PTPRN2: variants seen among roughly 807,000 people sequenced by gnomAD.
PTPRN2 encodes receptor-type tyrosine-protein phosphatase N2.
PTPRN2 carries 74 observed loss-of-function variants against 118.8 expected under a neutral mutation model. That is an observed-to-expected ratio of 0.62 (90% CI 0.52 to 0.76). The LOEUF is 0.76. Among genes scored for constraint, PTPRN2 ranks in the 30% least tolerant of loss-of-function variants. PTPRN2 has a pLI of 0.00. For synonymous variants in PTPRN2, 641 were observed against 608.0 expected (o/e 1.05, Z -0.80); for missense variants, 1,481 against 1,394.4 (o/e 1.06, Z -0.99).
intron 11 of PTPRN2, among the ~76,000 whole-genome samples, chr7:157,967,030 C>T (rs1801992314): frequency 6.6e-6 from 1 of 152,236 alleles, no homozygotes; most frequent in South Asian, 2.1e-4. Context: ...TTAAAAAACC[C>T]ACAGGCTGGC....
intron 17 of PTPRN2, among the ~76,000 whole-genome samples, chr7:157,592,504 A>T (rs1252027286): frequency 1.3e-5 from 2 of 151,788 alleles, no homozygotes; most frequent in Non-Finnish European, 2.9e-5. Flanking sequence ...CGGAGGTTGG[A>T]TGTGGGCATC....
chr7:158,205,825 C>T (rs1827096266), intron 3 of PTPRN2, among the ~76,000 whole-genome samples: 1 of 152,102 alleles, frequency 6.6e-6, no homozygotes, highest in Non-Finnish European at 1.5e-5. Context: ...CGGTGCTGCC[C>T]TGTCACAGTA....
At chr7:158,345,140 C>G (rs915188327) in intron 2 of PTPRN2, among the ~76,000 whole-genome samples, 1 of 152,172 alleles carries the variant, frequency 6.6e-6, no homozygotes, top group South Asian at 2.1e-4. Context: ...CCACAGTCCA[C>G]GTGACTGATG....
chr7:158,010,575 T>C (rs1034734624), intron 11 of PTPRN2, among the ~76,000 whole-genome samples: 2 of 152,184 alleles, frequency 1.3e-5, no homozygotes, highest in South Asian at 2.1e-4. Flanking sequence ...CTTGAAACTA[T>C]GAGAAACTAT....
rs1489014377 is a variant in PTPRN2 at position 157,874,777 on chromosome 7, G to A, written c.1788+23896C>T. On this transcript the variant is annotated intron_variant, in intron 12 of 22. Coordinates refer to ENST00000389418, the MANE Select transcript of PTPRN2 (RefSeq NM_002847.5). The surrounding 1 kb of genome is among the most constrained non-coding windows in gnomAD (Gnocchi z 5.8). Reference sequence around the variant, plus strand: ...GACACACACTCATGCACACACACACGAACACACTCATACACATATACACAC... The same window carrying A: ...GACACACACTCATGCACACACACACAAACACACTCATACACATATACACAC... Among the ~76,000 whole-genome samples the A allele has an allele frequency of 1.6e-5, 2 of 121,308 alleles. No homozygotes were observed. Among genetic ancestry groups the A allele is most frequent in the African/African-American group, 6.3e-5 (2 of 32,000 alleles). 79.6% of individuals were successfully genotyped at this position (121,308 alleles called of 152,430 possible).
chr7:157,949,032 A>G (rs1800654829), intron 11 of PTPRN2, among the ~76,000 whole-genome samples: 2 of 152,188 alleles, frequency 1.3e-5, no homozygotes, highest in Non-Finnish European at 2.9e-5. Context: ...TTTGGTACAC[A>G]TTGCAGGGGG....
intron 12 of PTPRN2, among the ~76,000 whole-genome samples, chr7:157,752,415 C>A (rs1049982213): frequency 6.6e-6 from 1 of 152,220 alleles, no homozygotes; most frequent in Non-Finnish European, 1.5e-5. Flanking sequence ...CGAGCACGTG[C>A]CCTCGTCCAG....
At chr7:158,056,508 C>T (rs987725424) in intron 11 of PTPRN2, among the ~76,000 whole-genome samples, 4 of 152,200 alleles carry the variant, frequency 2.6e-5, no homozygotes, top group African/African-American at 9.7e-5. Flanking sequence ...CCACATGTGC[C>T]TGGGTTTAGG....
At chr7:158,021,498 T>C (rs1443081246) in intron 11 of PTPRN2, among the ~76,000 whole-genome samples, 3 of 151,852 alleles carry the variant, frequency 2.0e-5, no homozygotes, top group African/African-American at 4.8e-5. Context: ...ACAGAGGATA[T>C]CATTTTAAAA....
chr7:157,610,220 T>C lies in PTPRN2; in HGVS notation c.2345-6145A>G, dbSNP rs1802249583. On this transcript the variant is annotated intron_variant, in intron 15 of 22. Transcript: ENST00000389418. This position sits in a 1 kb window ranked among gnomAD's most constrained non-coding sequence, Gnocchi z 5.1. ...GAAGCCACTGCTGAGTCCAGGGGCC[T>C]CACGGAACTTGGCAATGGGGTTCCC... Among the ~76,000 whole-genome samples the C allele has an allele frequency of 6.6e-6, 1 of 152,182 alleles. No individual in the cohort carries two copies. Among genetic ancestry groups the C allele is most frequent in the African/African-American group, 2.4e-5 (1 of 41,446 alleles).
chr7:158,545,452 C>T (rs1826222644), intron 1 of PTPRN2, among the ~76,000 whole-genome samples: 1 of 152,214 alleles, frequency 6.6e-6, no homozygotes, highest in Non-Finnish European at 1.5e-5. Flanking sequence ...CCTACATTTC[C>T]TTTCCTTTTC....
intron 2 of PTPRN2, among the ~76,000 whole-genome samples, chr7:158,326,867 G>T (rs967396286): frequency 7.4e-6 from 1 of 134,264 alleles, no homozygotes; most frequent in African/African-American, 2.9e-5. Context: ...GCTCATTCTC[G>T]CATGCACACG....
intron 3 of PTPRN2, among the ~76,000 whole-genome samples, chr7:158,280,977 T>C (rs1019004454): frequency 2.0e-5 from 3 of 152,220 alleles, no homozygotes; most frequent in African/African-American, 7.2e-5. Context: ...TGGTGCAGGC[T>C]CAAAGCCATG....
chr7:158,555,160 A>C lies in PTPRN2; in HGVS notation c.112+32398T>G, dbSNP rs532058229. 6.6e-6 allele frequency among the ~76,000 whole-genome samples: 1 copy of C among 152,314 alleles called. No individual in the cohort carries two copies. Among genetic ancestry groups the C allele is most frequent in the Admixed American group, 6.5e-5 (1 of 15,306 alleles). ...AACAAACGGATCTCCGGTGCTCAGC[A>C]GACTGATCTACTGCAAATCACCCCC... On this transcript the variant is annotated intron_variant, in intron 1 of 22. Coordinates refer to ENST00000389418, the MANE Select transcript of PTPRN2 (RefSeq NM_002847.5). The surrounding 1 kb of genome is among the most constrained non-coding windows in gnomAD (Gnocchi z 4.7).
chr7:157,912,163 G>A (rs914128801), intron 11 of PTPRN2, among the ~76,000 whole-genome samples: 1 of 152,184 alleles, frequency 6.6e-6, no homozygotes, highest in South Asian at 2.1e-4. Context: ...CCAACACACA[G>A]AGTTCCTAGT....
Position 157,722,676 on chromosome 7 carries a change from C to T in PTPRN2, c.1789-39739G>A, listed in dbSNP as rs372160822. 5.6e-4 allele frequency among the ~76,000 whole-genome samples: 85 copies of T among 152,136 alleles called. No homozygotes were observed. The East Asian group carries it at 0.01, about 18-fold the overall frequency. On this transcript the variant is annotated intron_variant, in intron 12 of 22. Transcript: ENST00000389418. Reference sequence around the variant, plus strand: ...GCCTATCGCAGCATCCAGGTGCAGCCGGGGGGGACAGGGGTGAGGAGGGAA... The same window carrying T: ...GCCTATCGCAGCATCCAGGTGCAGCTGGGGGGGACAGGGGTGAGGAGGGAA...
At chr7:158,311,472 AT>A (rs900471553) in intron 3 of PTPRN2, among the ~76,000 whole-genome samples, 6 of 152,224 alleles carry the variant, frequency 3.9e-5, no homozygotes, top group Non-Finnish European at 1.5e-5. Context: ...TTAAAAAAAA[AT>A]CATACATGAG....
chr7:157,904,546 C>T (rs1797654377), intron 11 of PTPRN2, among the ~76,000 whole-genome samples: 1 of 152,222 alleles, frequency 6.6e-6, no homozygotes, highest in Admixed American at 6.5e-5. Context: ...GAATCCGGGT[C>T]CCGGAGTCCC....
At chr7:157,792,818 G>A (rs1166751502) in intron 12 of PTPRN2, among the ~76,000 whole-genome samples, 59 of 152,244 alleles carry the variant, frequency 3.9e-4, no homozygotes, top group Non-Finnish European at 1.9e-4. Flanking sequence ...TCTTATTCAT[G>A]AGCTGTACGT....
Sources: allele counts gnomAD v4.1 joint callset (sites outside exome capture counted in the v4.1 genomes callset), GRCh38; gene constraint gnomAD v4.1.1; non-coding constraint Gnocchi (gnomAD v3.1); transcripts MANE v1.5; gene names NCBI Gene and HGNC (gene_info 2026-07-23, HGNC 2026-07-21).